The following EPHA6 variants were observed in gnomAD, a reference collection of about 807,000 sequenced individuals.
EPHA6 encodes the protein EPH receptor A6, also known as ephrin type-A receptor 6.
In EPHA6, 50 loss-of-function variants were observed where a neutral mutation model predicts 112.0. The ratio of observed to expected loss-of-function variants is 0.45; its 90% confidence interval spans 0.36 to 0.56. The LOEUF is 0.56. EPHA6 is among the 20% of genes least tolerant of loss of function. EPHA6 has a pLI of 0.00. For missense variants in EPHA6, 1,280 were observed against 1,417.4 expected (o/e 0.90, Z 1.56); for synonymous variants, 529 against 490.7 (o/e 1.08, Z -1.03).
chr3:97,154,458 C>G (rs2076244288), intron 3 of EPHA6, among the ~76,000 whole-genome samples: 1 of 152,064 alleles, frequency 6.6e-6, no homozygotes. Flanking sequence ...ATATCCATCA[C>G]CTCACATAAT....
intron 2 of EPHA6, among the ~76,000 whole-genome samples, chr3:96,962,799 A>G (rs2041991835): frequency 6.6e-6 from 1 of 151,928 alleles, no homozygotes; most frequent in East Asian, 1.9e-4. Flanking sequence ...ATCATTCTTG[A>G]TAGTAGTTTA....
intron 5 of EPHA6, among the ~76,000 whole-genome samples, chr3:97,366,829 C>T (rs532649168): frequency 3.9e-5 from 6 of 152,288 alleles, no homozygotes; most frequent in East Asian, 1.9e-4. Flanking sequence ...TGTTTGAAAA[C>T]GGCATACCCT....
At chr3:96,855,600 TTATGCTG>T (rs1276342483) in intron 1 of EPHA6, among the ~76,000 whole-genome samples, 1 of 151,996 alleles carries the variant, frequency 6.6e-6, no homozygotes. Context: ...AGAGGGAAAT[TTATGCTG>T]GAGATACTAT....
At chr3:97,186,834 A>G (rs988467538) in intron 3 of EPHA6, among the ~76,000 whole-genome samples, 4 of 152,252 alleles carry the variant, frequency 2.6e-5, no homozygotes, top group South Asian at 2.1e-4. Flanking sequence ...CACATTAGTA[A>G]CATTATGTTT....
intron 6 of EPHA6, among the ~76,000 whole-genome samples, chr3:97,414,211 A>G (rs757051086): frequency 2.6e-5 from 4 of 152,074 alleles, no homozygotes; most frequent in Non-Finnish European, 5.9e-5. Flanking sequence ...CCATTTCCCA[A>G]TAATTTTTTA....
At chr3:96,998,257 A>G (rs533917608) in intron 3 of EPHA6, among the ~76,000 whole-genome samples, 3 of 152,036 alleles carry the variant, frequency 2.0e-5, no homozygotes, top group Admixed American at 6.6e-5. Context: ...GCTCCTTTTC[A>G]TGTGAATTCT....
intron 5 of EPHA6, among the ~76,000 whole-genome samples, chr3:97,327,587 C>A (rs879604234): frequency 6.6e-6 from 1 of 151,692 alleles, no homozygotes; most frequent in Non-Finnish European, 1.5e-5. Context: ...CTGCAAAGAT[C>A]CCCCCACGTT....
intron 5 of EPHA6, among the ~76,000 whole-genome samples, chr3:97,353,606 A>G (rs2083916940): frequency 6.6e-6 from 1 of 152,114 alleles, no homozygotes; most frequent in Non-Finnish European, 1.5e-5. Flanking sequence ...TAGCTGAACT[A>G]GAATAAAGTC....
chr3:97,206,310 T>C (rs1175379813), intron 3 of EPHA6, among the ~76,000 whole-genome samples: 2 of 152,106 alleles, frequency 1.3e-5, no homozygotes, highest in Non-Finnish European at 2.9e-5. Context: ...ACAGAATCCA[T>C]GTATGTAAAC....
rs561856926 is a variant in EPHA6, at chr3:97,418,029, T to C, written c.1731+12755T>C. On this transcript the variant is annotated intron_variant, in intron 6 of 17. Coordinates refer to ENST00000389672, the MANE Select transcript of EPHA6 (RefSeq NM_001080448.3). ...GGACTTTTGATGCGTTAAAGAATCA[T>C]ACACAAAACAACTATGTTTGAAAAG... Among the ~76,000 whole-genome samples the C allele has an allele frequency of 2.6e-4, 40 of 152,114 alleles. 1 individual carries two copies. In the South Asian group the frequency reaches 7.9e-3, roughly 30 times the overall value.
At chr3:97,361,552 A>AG (rs1289487899) in intron 5 of EPHA6, among the ~76,000 whole-genome samples, 2 of 152,180 alleles carry the variant, frequency 1.3e-5, no homozygotes, top group African/African-American at 4.8e-5. Context: ...TAGAAGGTCA[A>AG]GGGGCCACAG....
intron 10 of EPHA6, among the ~76,000 whole-genome samples, chr3:97,495,033 G>T (rs2091940629): frequency 6.6e-6 from 1 of 152,116 alleles, no homozygotes; most frequent in South Asian, 2.1e-4. Flanking sequence ...CACAGGGATA[G>T]CACGTTTCCT....
chr3:97,039,746 T>A (rs1370491059), intron 3 of EPHA6, among the ~76,000 whole-genome samples: 1 of 152,046 alleles, frequency 6.6e-6, no homozygotes, highest in African/African-American at 2.4e-5. Flanking sequence ...TGACAATTGT[T>A]TGCCACAAGT....
chr3:97,224,675 C>A (rs1234670410), intron 3 of EPHA6, among the ~76,000 whole-genome samples: 1 of 151,618 alleles, frequency 6.6e-6, no homozygotes, highest in Non-Finnish European at 1.5e-5. Flanking sequence ...ATACATATTC[C>A]TAATTAATTT....
At chr3:97,259,172 G>A (rs1403289214) in intron 5 of EPHA6, among the ~76,000 whole-genome samples, 1 of 151,730 alleles carries the variant, frequency 6.6e-6, no homozygotes, top group East Asian at 1.9e-4. Context: ...ATTCCTTATA[G>A]TTTTTGAAAA....
chr3:97,141,264 A>G (rs2108352389), intron 3 of EPHA6, among the ~76,000 whole-genome samples: 1 of 152,232 alleles, frequency 6.6e-6, no homozygotes, highest in South Asian at 2.1e-4. Context: ...ACAGCACTGG[A>G]GAGATCCTCA....
At chr3:97,515,953 A>C (rs2092441562) in intron 10 of EPHA6, among the ~76,000 whole-genome samples, 2 of 152,010 alleles carry the variant, frequency 1.3e-5, no homozygotes, top group South Asian at 2.1e-4. Flanking sequence ...AAAAAAAAAA[A>C]AACACCTCAT....
At chr3:97,156,289 T>C (rs967368992) in intron 3 of EPHA6, among the ~76,000 whole-genome samples, 1 of 152,150 alleles carries the variant, frequency 6.6e-6, no homozygotes, top group Non-Finnish European at 1.5e-5. Flanking sequence ...GTGTGGTAAA[T>C]GGCCATACCT....
intron 5 of EPHA6, among the ~76,000 whole-genome samples, chr3:97,341,827 A>G (rs913351540): frequency 5.9e-5 from 9 of 152,164 alleles, no homozygotes; most frequent in African/African-American, 1.9e-4. Context: ...TCATATATTT[A>G]TATTACCCCA....
Sources: gnomAD v4.1 joint callset for allele counts (sites outside exome capture counted in the v4.1 genomes callset) on GRCh38, gnomAD v4.1.1 for gene constraint, MANE v1.5 for transcripts, NCBI Gene and HGNC (gene_info 2026-07-23, HGNC 2026-07-21) for gene names.